RAP1A: variants seen among roughly 807,000 people sequenced by gnomAD.
RAP1A encodes ras-related protein Rap-1A.
In RAP1A, 6 loss-of-function variants were observed where a neutral mutation model predicts 26.4. The ratio of observed to expected loss-of-function variants is 0.23; its 90% CI spans 0.12 to 0.45. The LOEUF (loss-of-function observed/expected upper bound fraction) is 0.45. RAP1A is among the 20% of genes least tolerant of loss of function. The pLI, the probability that RAP1A is intolerant of heterozygous loss-of-function variation, is 0.99. For missense variants in RAP1A, 121 were observed against 217.2 expected, an observed-to-expected ratio of 0.56 and a Z score of 2.78; for synonymous variants, 73 against 79.4, an observed-to-expected ratio of 0.92 and a Z score of 0.43.
At chr1:111,564,173 C>T (rs370275464) in intron 1 of RAP1A, among the ~76,000 whole-genome samples, 4 of 152,308 alleles carry the variant, frequency 2.6e-5, no homozygotes, top group African/African-American at 7.2e-5. Flanking sequence ...CATTGTGTGG[C>T]TTTCCAAGCC....
chr1:111,705,911 G>A (rs1404740006), intron 6 of RAP1A, among the ~76,000 whole-genome samples: 1 of 152,180 alleles, frequency 6.6e-6, no homozygotes, highest in Admixed American at 6.5e-5. Flanking sequence ...AAGTTCATCA[G>A]ACTCCAGGCT....
chr1:111,641,399 T>C (rs886404846), intron 1 of RAP1A, among the ~76,000 whole-genome samples: 7 of 152,184 alleles, frequency 4.6e-5, no homozygotes, highest in Non-Finnish European at 8.8e-5. Flanking sequence ...GGCTATACAT[T>C]AGATTTAACT....
At chr1:111,610,721 G>C (rs754196557) in intron 1 of RAP1A, among the ~76,000 whole-genome samples, 14 of 152,232 alleles carry the variant, frequency 9.2e-5, no homozygotes, top group Non-Finnish European at 1.8e-4. Context: ...GCCATATAAA[G>C]TAGCATAAGC....
chr1:111,603,757 T>C (rs889713533), intron 1 of RAP1A, among the ~76,000 whole-genome samples: 1 of 152,206 alleles, frequency 6.6e-6, no homozygotes, highest in Non-Finnish European at 1.5e-5. Flanking sequence ...ATACCATGCC[T>C]ACTAAGGGGG....
chr1:111,604,105 T>A (rs1045249594), intron 1 of RAP1A, among the ~76,000 whole-genome samples: 1 of 152,160 alleles, frequency 6.6e-6, no homozygotes, highest in Admixed American at 6.5e-5. Context: ...GCAACGTGAA[T>A]GCGGAGGAAG....
intron 1 of RAP1A, among the ~76,000 whole-genome samples, chr1:111,583,358 G>A (rs1426327581): frequency 6.6e-6 from 1 of 151,528 alleles, no homozygotes; most frequent in African/African-American, 2.4e-5. Context: ...TAATCCCAGT[G>A]GCTGGGAAAG....
intron 1 of RAP1A, chr1:111,608,488 C>T (rs1658855766): frequency 5.9e-6 from 1 of 168,586 alleles, no homozygotes; most frequent in Non-Finnish European, 1.3e-5. Context: ...TCCTCACTTC[C>T]CAGACGGGGT....
intron 2 of RAP1A, among the ~76,000 whole-genome samples, chr1:111,693,904 T>TTA (rs1661750897): frequency 6.6e-6 from 1 of 151,826 alleles, no homozygotes; most frequent in Non-Finnish European, 1.5e-5. Flanking sequence ...TGCCTTTTTT[T>TTA]TTTTTTTAAA....
At chr1:111,679,363 T>C (rs1272868493) in intron 1 of RAP1A, among the ~76,000 whole-genome samples, 3 of 152,144 alleles carry the variant, frequency 2.0e-5, no homozygotes, top group African/African-American at 7.2e-5. Context: ...TCAGCCCAGA[T>C]ACTACCCATT....
chr1:111,647,253 G>A (rs1279142777), intron 1 of RAP1A, among the ~76,000 whole-genome samples: 2 of 152,196 alleles, frequency 1.3e-5, no homozygotes, highest in African/African-American at 2.4e-5. Context: ...AGAATCTAAT[G>A]CCTGATGATC....
At chr1:111,583,966 C>T (rs922055340) in intron 1 of RAP1A, among the ~76,000 whole-genome samples, 6 of 150,340 alleles carry the variant, frequency 4.0e-5, no homozygotes, top group Admixed American at 6.6e-5. Flanking sequence ...CTGCAACGTC[C>T]GCCTCCCAGG....
chr1:111,639,525 A>T (rs1403701614), intron 1 of RAP1A, among the ~76,000 whole-genome samples: 1 of 151,294 alleles, frequency 6.6e-6, no homozygotes, highest in Non-Finnish European at 1.5e-5. Context: ...TTAAATGTTG[A>T]TTCTGATACT....
chr1:111,601,830 A>G (rs186065888), intron 1 of RAP1A, among the ~76,000 whole-genome samples: 2 of 152,332 alleles, frequency 1.3e-5, no homozygotes, highest in Admixed American at 1.3e-4. Context: ...CATAAAGCCT[A>G]AAGTACAGCT....
chr1:111,620,705 T>C (rs79655983), intron 1 of RAP1A, among the ~76,000 whole-genome samples: 3,754 of 152,284 alleles, frequency 0.025, 57 homozygotes, highest in Non-Finnish European at 0.038. Flanking sequence ...TTACTTTTCA[T>C]GGGTCTCTGC....
At chr1:111,639,403 G>A (rs1430431218) in intron 1 of RAP1A, among the ~76,000 whole-genome samples, 1 of 152,044 alleles carries the variant, frequency 6.6e-6, no homozygotes, top group East Asian at 1.9e-4. Context: ...CATTGCAGAA[G>A]AATTACACTT....
intron 1 of RAP1A, among the ~76,000 whole-genome samples, chr1:111,688,796 G>C (rs1218174736): frequency 7.1e-6 from 1 of 139,922 alleles, no homozygotes; most frequent in Non-Finnish European, 1.5e-5. Flanking sequence ...GTGTAGATGG[G>C]TTTTTGTTTT....
chr1:111,574,964 CAT>C (rs1183410650), intron 1 of RAP1A, among the ~76,000 whole-genome samples: 1 of 152,174 alleles, frequency 6.6e-6, no homozygotes, highest in Non-Finnish European at 1.5e-5. Flanking sequence ...AATCCACAAA[CAT>C]ATATGTTTTA....
chr1:111,617,145 C>A (rs572597160), upstream of RAP1A, among the ~76,000 whole-genome samples: 106 of 152,292 alleles, frequency 7.0e-4, no homozygotes, highest in African/African-American at 2.5e-3. Context: ...TTCCTCCAGG[C>A]TGATGTGACC....
chr1:111,579,088 C>G (rs1000289783), intron 1 of RAP1A, among the ~76,000 whole-genome samples: 3 of 152,166 alleles, frequency 2.0e-5, no homozygotes, highest in Non-Finnish European at 4.4e-5. Flanking sequence ...CCTGGCGTCT[C>G]CTAGTGTTTA....
Sources: allele counts gnomAD v4.1 joint callset (sites outside exome capture counted in the v4.1 genomes callset), GRCh38; gene constraint gnomAD v4.1.1; transcripts MANE v1.5; gene names NCBI Gene and HGNC (gene_info 2026-07-23, HGNC 2026-07-21).